Variants in CD82 observed in about 807,000 individuals in gnomAD.
CD82 encodes CD82 molecule.
Under a neutral mutation model 37.4 loss-of-function variants are expected in CD82, and 36 were observed. The ratio of observed to expected loss-of-function variants is 0.96; its 90% CI spans 0.74 to 1.27. The LOEUF (loss-of-function observed/expected upper bound fraction) is 1.27, where lower values mean the gene tolerates loss of function less well. Ranked by LOEUF, CD82 falls within the 50% of genes most tolerant of loss-of-function variation. The pLI is 0.00. For missense variants in CD82, 340 were observed against 347.0 expected (o/e 0.98, Z 0.16); for synonymous variants, 158 against 137.4 (o/e 1.15, Z -1.05).
At chr11:44,574,097 G>A (rs756094684) in intron 1 of CD82, among the ~76,000 whole-genome samples, 7 of 152,128 alleles carry the variant, frequency 4.6e-5, no homozygotes, top group Non-Finnish European at 8.8e-5. Flanking sequence ...CTGCTGGGGG[G>A]TCAGCAGAAG....
Position 44,615,311 on chromosome 11 carries a change from C to G in CD82, c.376C>G (p.Arg126Gly). 6.2e-7 allele frequency: 1 copy of G among 1,613,526 alleles called. No homozygotes were observed. Among genetic ancestry groups the G allele is most frequent in the South Asian group, 1.1e-5 (1 of 91,072 alleles). The change falls in exon 7 of 10, where the codon CGA becomes GGA. Residue 126 changes from arginine to glycine, a missense_variant. Physicochemically the swap from Arg to Gly is moderately radical, Grantham distance 125. Coordinates refer to ENST00000227155, the MANE Select transcript of CD82 (RefSeq NM_002231.4). ...EMGGIVTELI[R>G]DYNSSREDSL... ...GGGCGGCATCGTGACTGAGCTCATT[C>G]GAGACTACAACAGCAGTCGCGAGGA...
chr11:44,610,774 C>T (rs1853469287), intron 6 of CD82, among the ~76,000 whole-genome samples: 1 of 152,156 alleles, frequency 6.6e-6, no homozygotes, highest in Non-Finnish European at 1.5e-5. Context: ...GGCTGGCTTC[C>T]TCGGCATTCA....
chr11:44,615,929 C>T (rs114601899), intron 7 of CD82, among the ~76,000 whole-genome samples: 2,441 of 152,208 alleles, frequency 0.016, 82 homozygotes, highest in African/African-American at 0.056. Context: ...GATGGGTGGA[C>T]AGATGGACGG....
At chr11:44,579,324 G>A (rs1852946538) in intron 1 of CD82, among the ~76,000 whole-genome samples, 1 of 152,022 alleles carries the variant, frequency 6.6e-6, no homozygotes, top group Non-Finnish European at 1.5e-5. Context: ...GGCAACCTCT[G>A]GGGTGGCCCC....
chr11:44,565,309 G>A (rs1020918927), upstream of CD82, among the ~76,000 whole-genome samples: 26 of 152,320 alleles, frequency 1.7e-4, no homozygotes, highest in African/African-American at 6.3e-4. Flanking sequence ...GAGGAGACCG[G>A]GAGGACGAGG....
chr11:44,566,042 C>T (rs76491743), intron 1 of CD82: 5,369 of 151,814 alleles, frequency 0.035, 127 homozygotes, highest in Admixed American at 0.061. Flanking sequence ...CTTAAAACGC[C>T]GGAAGGTGAG....
chr11:44,609,331 G>T (rs1335900804), intron 6 of CD82, among the ~76,000 whole-genome samples: 1 of 152,216 alleles, frequency 6.6e-6, no homozygotes, highest in South Asian at 2.1e-4. Flanking sequence ...TGAGAAGGAA[G>T]TGAATGCAGT....
At chr11:44,613,347 GC>G (rs1278864021) in intron 6 of CD82, among the ~76,000 whole-genome samples, 2 of 152,236 alleles carry the variant, frequency 1.3e-5, no homozygotes, top group African/African-American at 4.8e-5. Flanking sequence ...GCCGAGGGAG[GC>G]CCTGCCCTCA....
intron 1 of CD82, among the ~76,000 whole-genome samples, chr11:44,582,019 CCT>C (rs1852986268): frequency 1.3e-5 from 2 of 152,204 alleles, no homozygotes; most frequent in African/African-American, 2.4e-5. Context: ...CAGTGACCAC[CCT>C]CTCTGCCTTG....
intron 1 of CD82, among the ~76,000 whole-genome samples, chr11:44,573,735 G>A (rs1208404571): frequency 6.6e-6 from 1 of 152,208 alleles, no homozygotes; most frequent in African/African-American, 2.4e-5. Flanking sequence ...ATCCCTGCAA[G>A]TTGCAGTCAG....
In CD82 at chr11:44,603,908, C is replaced by T. The variant is rs1440385746; in HGVS notation, c.137-1150C>T. Among the ~76,000 whole-genome samples the T allele has an allele frequency of 4.6e-5, 7 of 152,194 alleles. No individual in the cohort carries two copies. The East Asian group carries it at 1.3e-3, about 29-fold the overall frequency. ...TTGCTCTCACTGGTCCGTTCTCTCACCTTCTTTCCAATCTTCAAATAACCA... is the reference window on the plus strand; with the variant it reads ...TTGCTCTCACTGGTCCGTTCTCTCATCTTCTTTCCAATCTTCAAATAACCA... On this transcript the variant is annotated intron_variant, in intron 4 of 9. Transcript: ENST00000227155.
chr11:44,579,415 C>CCGGCCTCA (rs1471246967), intron 1 of CD82, among the ~76,000 whole-genome samples: 1 of 152,046 alleles, frequency 6.6e-6, no homozygotes, highest in African/African-American at 2.4e-5. Context: ...CACTTCCAGG[C>CCGGCCTCA]CGGCCTCACC....
In CD82 at chr11:44,605,256, G is replaced by T. The variant is rs974046531; in HGVS notation, c.261+74G>T. On this transcript the variant is annotated intron_variant, in intron 5 of 9. Coordinates refer to ENST00000227155, the MANE Select transcript of CD82 (RefSeq NM_002231.4). ...CCGAGTGCAGCCTGACCGCGGCGCT[G>T]GCCGTAACATCGGGTGGAGAGCATC... 3 of 1,607,756 alleles carry T rather than the reference G, an allele frequency of 1.9e-6. No individual in the cohort carries two copies. In the African/African-American group the frequency reaches 4.0e-5, roughly 21 times the overall value.
chr11:44,566,214 G>A (rs1006465292), intron 1 of CD82: 1 of 152,244 alleles, frequency 6.6e-6, no homozygotes, highest in Non-Finnish European at 1.5e-5. Context: ...TGGGGAAGAG[G>A]AGGCCAAAGC....
intron 1 of CD82, among the ~76,000 whole-genome samples, chr11:44,568,730 T>C (rs1353888001): frequency 6.6e-6 from 1 of 152,126 alleles, no homozygotes; most frequent in African/African-American, 2.4e-5. Context: ...GCCCCCTCTG[T>C]CTTGAGGCCT....
chr11:44,569,735 T>A (rs1474022525), intron 1 of CD82, among the ~76,000 whole-genome samples: 2 of 152,178 alleles, frequency 1.3e-5, no homozygotes, highest in Admixed American at 1.3e-4. Flanking sequence ...GAAGCACCTT[T>A]ATCTTCTTTC....
intron 4 of CD82, among the ~76,000 whole-genome samples, chr11:44,601,262 G>A (rs915373695): frequency 1.3e-5 from 2 of 152,140 alleles, no homozygotes; most frequent in African/African-American, 4.8e-5. Flanking sequence ...TAGCTAGGAT[G>A]TGATGATGGA....
chr11:44,587,892 C>T (rs543499670), intron 2 of CD82: 3 of 275,578 alleles, frequency 1.1e-5, no homozygotes, highest in South Asian at 3.7e-5. Flanking sequence ...TTCAGGTGGC[C>T]GAGAACTTGA....
chr11:44,605,737 G>C (rs1041742570), intron 6 of CD82, among the ~76,000 whole-genome samples: 1 of 152,168 alleles, frequency 6.6e-6, no homozygotes, highest in Non-Finnish European at 1.5e-5. Flanking sequence ...GAAACAATAA[G>C]AAAACTGAAC....
Sources: allele counts gnomAD v4.1 joint callset (sites outside exome capture counted in the v4.1 genomes callset), GRCh38; gene constraint gnomAD v4.1.1; transcripts MANE v1.5; gene names NCBI Gene and HGNC (gene_info 2026-07-23, HGNC 2026-07-21).